The following MACROD2 variants were observed in gnomAD, a reference collection of about 807,000 sequenced individuals.
The protein encoded by MACROD2 is ADP-ribose glycohydrolase MACROD2.
Under a neutral mutation model 70.4 loss-of-function variants are expected in MACROD2, and 36 were observed. That is an observed-to-expected ratio of 0.51 (90% confidence interval 0.39 to 0.68). MACROD2 has a LOEUF of 0.68. MACROD2 is among the 30% of genes least tolerant of loss of function. MACROD2 has a pLI of 0.00. For missense variants in MACROD2, 496 were observed against 538.4 expected, an observed-to-expected ratio of 0.92 and a Z score of 0.78; for synonymous variants, 172 against 178.8, an observed-to-expected ratio of 0.96 and a Z score of 0.30.
chr20:14,490,917 C>G (rs909016828), intron 3 of MACROD2, among the ~76,000 whole-genome samples: 2 of 152,172 alleles, frequency 1.3e-5, no homozygotes, highest in Admixed American at 6.5e-5. Context: ...TACCAATTAT[C>G]TCACTATTAT....
intron 15 of MACROD2, among the ~76,000 whole-genome samples, chr20:16,033,758 G>C (rs547357913): frequency 1.3e-5 from 2 of 151,748 alleles, no homozygotes; most frequent in South Asian, 4.2e-4. Flanking sequence ...CCTAAGTCTA[G>C]TGAGTTAAAC....
At chr20:15,359,656 A>G (rs2078329379) in intron 6 of MACROD2, among the ~76,000 whole-genome samples, 1 of 152,080 alleles carries the variant, frequency 6.6e-6, no homozygotes, top group Non-Finnish European at 1.5e-5. Context: ...GTATATATCT[A>G]TCATCTCTTT....
chr20:15,756,753 A>G (rs2051353997), intron 8 of MACROD2, among the ~76,000 whole-genome samples: 1 of 152,198 alleles, frequency 6.6e-6, no homozygotes. Context: ...GCTTAAAAAC[A>G]AGTTAGAAAT....
At position 14,605,926 on chromosome 20, in the gene MACROD2, C is replaced by T. The variant is rs73260830; in HGVS notation, c.302-78917C>T. Among the ~76,000 whole-genome samples, 176 of 152,068 alleles carry T rather than the reference C, an allele frequency of 1.2e-3. 2 individuals are homozygous for T. Among genetic ancestry groups the T allele is most frequent in the African/African-American group, 3.8e-3 (158 of 41,486 alleles). ...TAATTGTAATGTAAATGTAATTATACGTGTAAAATTTTTTGTGTCTAGTAA... is the reference window on the plus strand; with the variant it reads ...TAATTGTAATGTAAATGTAATTATATGTGTAAAATTTTTTGTGTCTAGTAA... On this transcript the variant is annotated intron_variant, in intron 4 of 17. Transcript: ENST00000684519.
chr20:14,292,611 AGCTC>A (rs2082395621), intron 3 of MACROD2, among the ~76,000 whole-genome samples: 1 of 151,848 alleles, frequency 6.6e-6, no homozygotes, highest in East Asian at 1.9e-4. Flanking sequence ...AAAAACTAAA[AGCTC>A]ATTCATTCAT....
chr20:14,170,976 CT>C (rs2148724129), intron 3 of MACROD2, among the ~76,000 whole-genome samples: 1 of 152,038 alleles, frequency 6.6e-6, no homozygotes, highest in South Asian at 2.1e-4. Context: ...TTGTCTTGGG[CT>C]TTTTTTGTTG....
intron 5 of MACROD2, among the ~76,000 whole-genome samples, chr20:14,984,938 G>T (rs2074835138): frequency 6.6e-6 from 1 of 152,184 alleles, no homozygotes; most frequent in Admixed American, 6.5e-5. Flanking sequence ...ACAAAGAAGT[G>T]CAGTTCAAGG....
rs977597689 is a variant in MACROD2, at chr20:14,348,290, A to T, written c.272-145189A>T. ...TCTCAAAAAAAAAAAAATAAATAAA[A>T]TAAAGAAAGAAAGAAAGAAAAGAAA... On this transcript the variant is annotated intron_variant, in intron 3 of 17. Transcript: ENST00000684519. Among the ~76,000 whole-genome samples the T allele has an allele frequency of 9.3e-4, 138 of 147,872 alleles. 1 individual carries two copies. The highest frequency in any genetic ancestry group is 3.0e-3 in the African/African-American group (115 of 38,810).
At chr20:15,071,113 A>G (rs1044544336) in intron 5 of MACROD2, among the ~76,000 whole-genome samples, 1 of 152,204 alleles carries the variant, frequency 6.6e-6, no homozygotes, top group East Asian at 1.9e-4. Flanking sequence ...CTCCCAATAT[A>G]CAATGGAATT....
intron 4 of MACROD2, among the ~76,000 whole-genome samples, chr20:14,671,683 C>T (rs936504932): frequency 6.6e-6 from 1 of 152,160 alleles, no homozygotes; most frequent in Non-Finnish European, 1.5e-5. Context: ...AGGATCACGG[C>T]CCAAATCTCA....
At chr20:15,481,782 A>G (rs2047101672) in intron 7 of MACROD2, among the ~76,000 whole-genome samples, 1 of 152,220 alleles carries the variant, frequency 6.6e-6, no homozygotes, top group Non-Finnish European at 1.5e-5. Context: ...AATTGCCTGC[A>G]GTTAAGAGAG....
chr20:14,523,172 T>A (rs1342152244), intron 4 of MACROD2, among the ~76,000 whole-genome samples: 1 of 152,088 alleles, frequency 6.6e-6, no homozygotes, highest in Non-Finnish European at 1.5e-5. Context: ...AGCAAAGGGA[T>A]AGTTACAACT....
intron 8 of MACROD2, among the ~76,000 whole-genome samples, chr20:15,719,920 G>T (rs1270496001): frequency 6.6e-6 from 1 of 151,784 alleles, no homozygotes; most frequent in Non-Finnish European, 1.5e-5. Flanking sequence ...TTGTAACTTT[G>T]TACCCATTGA....
chr20:14,638,464 G>A (rs1215286352), intron 4 of MACROD2, among the ~76,000 whole-genome samples: 1 of 151,996 alleles, frequency 6.6e-6, no homozygotes, highest in Non-Finnish European at 1.5e-5. Context: ...GCCTCGACAG[G>A]ATTATATATA....
At chr20:15,397,787 C>T (rs1031354954) in intron 6 of MACROD2, among the ~76,000 whole-genome samples, 2 of 152,254 alleles carry the variant, frequency 1.3e-5, no homozygotes. Flanking sequence ...TTTTTCTCCT[C>T]CACTGTTTCT....
chr20:14,044,760 G>A (rs2148642891), intron 2 of MACROD2, among the ~76,000 whole-genome samples: 1 of 152,362 alleles, frequency 6.6e-6, no homozygotes, highest in East Asian at 1.9e-4. Context: ...AGCCCCGCTG[G>A]CTTCACCCAG....
At chr20:14,043,347 A>C (rs2053421602) in intron 2 of MACROD2, among the ~76,000 whole-genome samples, 1 of 152,222 alleles carries the variant, frequency 6.6e-6, no homozygotes, top group Non-Finnish European at 1.5e-5. Flanking sequence ...TTACCAGTTT[A>C]TTATAAAGGA....
intron 8 of MACROD2, among the ~76,000 whole-genome samples, chr20:15,547,010 C>T (rs749300080): frequency 6.6e-6 from 1 of 152,188 alleles, no homozygotes; most frequent in African/African-American, 2.4e-5. Flanking sequence ...ACAATTATCT[C>T]ACCTGTCAGC....
At chr20:14,931,955 A>G (rs2074299519) in intron 5 of MACROD2, among the ~76,000 whole-genome samples, 1 of 150,966 alleles carries the variant, frequency 6.6e-6, no homozygotes, top group African/African-American at 2.4e-5. Context: ...TGAGCTATGA[A>G]TGTACCACTG....
Sources: allele counts gnomAD v4.1 joint callset (sites outside exome capture counted in the v4.1 genomes callset), GRCh38; gene constraint gnomAD v4.1.1; transcripts MANE v1.5; gene names NCBI Gene and HGNC (gene_info 2026-07-23, HGNC 2026-07-21).